Variants in RAI1 observed in about 807,000 individuals in gnomAD.
RAI1 encodes the protein retinoic acid induced 1.
A neutral mutation model predicts 123.8 loss-of-function variants in RAI1; 9 were observed. The ratio of observed to expected loss-of-function variants is 0.07; its 90% CI spans 0.04 to 0.13. The LOEUF is 0.13. Among genes scored for constraint, RAI1 ranks in the 10% least tolerant of loss-of-function variants. The probability of loss-of-function intolerance (pLI) is 1.00; values close to 1 mark genes in which losing one functional copy is unlikely to be tolerated. For synonymous variants in RAI1, 1,231 were observed against 1,127.3 expected (o/e 1.09, Z -1.84); for missense variants, 2,256 against 2,545.8 (o/e 0.89, Z 2.45).
At chr17:17,702,667 C>T (rs1414854567) in intron 1 of RAI1, among the ~76,000 whole-genome samples, 3 of 152,212 alleles carry the variant, frequency 2.0e-5, no homozygotes, top group Admixed American at 1.3e-4. Flanking sequence ...CGGGGTTCTG[C>T]CCTTGCTCTG....
chr17:17,735,440 G>A (rs1211344435), intron 2 of RAI1, among the ~76,000 whole-genome samples: 4 of 147,508 alleles, frequency 2.7e-5, no homozygotes, highest in Non-Finnish European at 4.4e-5. Flanking sequence ...TGCAATCTCC[G>A]CCTCCCGGGT....
intron 1 of RAI1, among the ~76,000 whole-genome samples, chr17:17,688,541 G>A (rs1301223301): frequency 6.6e-6 from 1 of 152,142 alleles, no homozygotes; most frequent in Non-Finnish European, 1.5e-5. Flanking sequence ...GGTTGCTGCT[G>A]CACAGTTCCT....
At chr17:17,806,713 G>C (rs1477507494) in intron 4 of RAI1, among the ~76,000 whole-genome samples, 2 of 152,238 alleles carry the variant, frequency 1.3e-5, no homozygotes, top group East Asian at 3.8e-4. Context: ...CCTCCAGCAG[G>C]CTGGCCTGGG....
In RAI1 at chr17:17,767,718, C is replaced by T. The variant is rs544599750; in HGVS notation, c.-16-25215C>T. ...CCTCCCTAAGCCTCAGCCTTTGCCT[C>T]TCTGCAGGGAGAGACTGAAGGACAT... On this transcript the variant is annotated intron_variant, in intron 2 of 5. Transcript: ENST00000353383. Among the ~76,000 whole-genome samples, 7 of 152,276 alleles carry T rather than the reference C, an allele frequency of 4.6e-5. No homozygotes were observed. In the East Asian group the frequency reaches 1.3e-3, roughly 29 times the overall value.
chr17:17,754,965 C>T (rs113301178), intron 2 of RAI1, among the ~76,000 whole-genome samples: 10 of 152,306 alleles, frequency 6.6e-5, no homozygotes, highest in African/African-American at 2.2e-4. Context: ...CTGTCTGGAG[C>T]GGCTTTATGA....
rs2032737604 is a variant in RAI1, at chr17:17,810,848, GC to G, written c.*869del. The stretch of plus-strand genomic sequence containing the variant: ...GTTGTGCACCACCAGGGACCGCCGC[GC>G]CTACTCTGCACGGGAGCAGGGACAG... On this transcript the variant is annotated 3_prime_UTR_variant, in exon 6 of 6. Transcript: ENST00000353383. The surrounding 1 kb of genome is among the most constrained non-coding windows in gnomAD (Gnocchi z 4.6). The G allele has an allele frequency of 2.2e-6, 1 of 451,588 alleles. No individual in the cohort carries two copies. The highest frequency in any genetic ancestry group is 1.6e-5 in the South Asian group (1 of 64,264). 28.0% of individuals were successfully genotyped at this position (451,588 alleles called of 1,614,324 possible). A position where few individuals can be genotyped will look rare whatever the true frequency, so the allele number is the denominator to read the frequency against.
chr17:17,805,693 C>T (rs1041897238), intron 4 of RAI1, among the ~76,000 whole-genome samples: 1 of 152,156 alleles, frequency 6.6e-6, no homozygotes, highest in Non-Finnish European at 1.5e-5. Flanking sequence ...GCTGAGCTGC[C>T]GGGACCCAGC....
At chr17:17,789,273 A>G (rs2143000652) in intron 2 of RAI1, among the ~76,000 whole-genome samples, 1 of 152,350 alleles carries the variant, frequency 6.6e-6, no homozygotes, top group East Asian at 1.9e-4. Context: ...TAAGCAGGGC[A>G]CTTGTCCTGA....
Position 17,801,384 on chromosome 17 carries a change from C to G in RAI1, c.5566-2372C>G, listed in dbSNP as rs1049434074. ...CTGGGGTCAGAAGGGCCTGAGGCCT[C>G]ACTCTCTCTGCATCTTAGTTTCTTC... On this transcript the variant is annotated intron_variant, in intron 3 of 5. Coordinates refer to ENST00000353383, the MANE Select transcript of RAI1 (RefSeq NM_030665.4). The surrounding 1 kb of genome is among the most constrained non-coding windows in gnomAD (Gnocchi z 4.1). Among the ~76,000 whole-genome samples, 3 of 152,194 alleles carry G rather than the reference C, an allele frequency of 2.0e-5. No individual in the cohort carries two copies. Among genetic ancestry groups the G allele is most frequent in the Non-Finnish European group, 2.9e-5 (2 of 68,034 alleles).
chr17:17,720,585 T>C, intron 1 of RAI1, among the ~76,000 whole-genome samples: 1 of 152,198 alleles, frequency 6.6e-6, no homozygotes, highest in Non-Finnish European at 1.5e-5. Context: ...AGGTTTGAAT[T>C]GTGAGGTTGC....
chr17:17,789,393 A>G (rs1219644740), intron 2 of RAI1, among the ~76,000 whole-genome samples: 2 of 152,216 alleles, frequency 1.3e-5, no homozygotes, highest in Non-Finnish European at 2.9e-5. Flanking sequence ...CAGCAGTCCT[A>G]TAGATTTCTG....
At chr17:17,761,430 C>A (rs564320338) in intron 2 of RAI1, among the ~76,000 whole-genome samples, 3 of 152,116 alleles carry the variant, frequency 2.0e-5, no homozygotes, top group Non-Finnish European at 4.4e-5. Context: ...CACAGGGGCA[C>A]CATGGTGGAA....
At chr17:17,750,689 CAAAAAAAAAA>C (rs57637022) in intron 2 of RAI1, among the ~76,000 whole-genome samples, 5 of 79,776 alleles carry the variant, frequency 6.3e-5, no homozygotes, top group East Asian at 4.8e-4. Flanking sequence ...TACTCCGTCT[CAAAAAAAAAA>C]AAAAAAAAAA....
Position 17,797,520 on chromosome 17 carries a change from A to G in RAI1, c.4572A>G (p.Lys1524=). 6.2e-7 allele frequency: 1 copy of G among 1,613,700 alleles called. No individual in the cohort carries two copies. Among genetic ancestry groups the G allele is most frequent in the Non-Finnish European group, 8.5e-7 (1 of 1,179,854 alleles). The change falls in exon 3 of 6, where the codon AAA becomes AAG. Residue 1524 remains lysine (K), a synonymous_variant. Coordinates refer to ENST00000353383, the MANE Select transcript of RAI1 (RefSeq NM_030665.4). ...RPCQPQTRAQ[K]QPGHTNYSSY... ...GCCAGCCCCAGACAAGGGCACAGAA[A>G]CAGCCAGGCCACACCAACTACAGCA...
chr17:17,778,719 G>C, intron 2 of RAI1: 2 of 456,722 alleles, frequency 4.4e-6, no homozygotes, highest in South Asian at 1.5e-5. Context: ...CCGGAGCAGA[G>C]GCCTGCGATT....
At chr17:17,693,517 C>T (rs1157454058) in intron 1 of RAI1, among the ~76,000 whole-genome samples, 1 of 152,196 alleles carries the variant, frequency 6.6e-6, no homozygotes, top group East Asian at 1.9e-4. Context: ...AAGCCATTGT[C>T]GAAGGTCAGG....
intron 2 of RAI1, among the ~76,000 whole-genome samples, chr17:17,745,307 C>G (rs1916787822): frequency 6.6e-6 from 1 of 151,254 alleles, no homozygotes; most frequent in South Asian, 2.1e-4. Flanking sequence ...TGGCCATGAT[C>G]AACCCACTGT....
intron 2 of RAI1, among the ~76,000 whole-genome samples, chr17:17,787,341 C>A (rs1475466227): frequency 6.6e-6 from 1 of 152,224 alleles, no homozygotes; most frequent in Admixed American, 6.5e-5. Context: ...AGACCCTTGC[C>A]CTGTTAACTG....
Position 17,801,952 on chromosome 17 carries a change from G to A in RAI1, c.5566-1804G>A. The stretch of plus-strand genomic sequence containing the variant: ...TCCAGCCATGCCTGGCACATAGGAA[G>A]CTATTGTCGTTTGTTTCACTGGCTT... On this transcript the variant is annotated intron_variant, in intron 3 of 5. Coordinates refer to ENST00000353383, the MANE Select transcript of RAI1 (RefSeq NM_030665.4). This position sits in a 1 kb window ranked among gnomAD's most constrained non-coding sequence, Gnocchi z 4.1. The A allele has an allele frequency of 4.8e-6, 2 of 415,822 alleles. No homozygotes were observed. The allele number at this position is 415,822 out of a possible 1,614,324, so 25.8% of individuals were successfully genotyped here. A position where few individuals can be genotyped will look rare whatever the true frequency, so the allele number is the denominator to read the frequency against.
Sources: gnomAD v4.1 joint callset for allele counts (sites outside exome capture counted in the v4.1 genomes callset) on GRCh38, gnomAD v4.1.1 for gene constraint, Gnocchi (gnomAD v3.1) non-coding constraint, MANE v1.5 for transcripts, NCBI Gene and HGNC (gene_info 2026-07-23, HGNC 2026-07-21) for gene names.